Variants in DLC1 observed in about 807,000 individuals in gnomAD.
The protein encoded by DLC1 is DLC1 Rho GTPase activating protein.
A neutral mutation model predicts 140.3 loss-of-function variants in DLC1; 54 were observed. That is an observed-to-expected ratio of 0.38 (90% confidence interval 0.31 to 0.48). The LOEUF is 0.48. Among genes scored for constraint, DLC1 ranks in the 20% least tolerant of loss-of-function variants. The probability of loss-of-function intolerance (pLI) is 0.96; values close to 1 mark genes in which losing one functional copy is unlikely to be tolerated. For synonymous variants in DLC1, 986 were observed against 728.1 expected, an observed-to-expected ratio of 1.35 and a Z score of -5.70; for missense variants, 2,536 against 1,907.0, an observed-to-expected ratio of 1.33 and a Z score of -6.14.
rs538138000 is a variant in DLC1, at chr8:13,305,017, T to C, written c.1348+252A>G. On this transcript the variant is annotated intron_variant, in intron 5 of 17. Coordinates refer to ENST00000276297, the MANE Select transcript of DLC1 (RefSeq NM_182643.3). The stretch of plus-strand genomic sequence containing the variant: ...AATTCTTTTGCTTAAGAAAAAAAAA[T>C]TGTGGTTGCAGTTACAAGGAAGACC... The C allele has an allele frequency of 1.1e-5, 12 of 1,111,580 alleles. No individual in the cohort carries two copies. In the Admixed American group the frequency reaches 3.9e-4, roughly 36 times the overall value. The allele number at this position is 1,111,580 out of a possible 1,614,324, so 68.9% of individuals were successfully genotyped here.
At chr8:13,434,382 T>C (rs1030020526) in intron 2 of DLC1, among the ~76,000 whole-genome samples, 1 of 152,202 alleles carries the variant, frequency 6.6e-6, no homozygotes, top group South Asian at 2.1e-4. Flanking sequence ...AAACCAGTAA[T>C]TTGAGTTTCT....
chr8:13,161,529 C>T (rs1251028855), intron 5 of DLC1, among the ~76,000 whole-genome samples: 2 of 152,102 alleles, frequency 1.3e-5, no homozygotes, highest in Non-Finnish European at 2.9e-5. Context: ...TTGGTTGAGA[C>T]AGGTCTTGCT....
chr8:13,453,422 A>T (rs865944909), intron 2 of DLC1, among the ~76,000 whole-genome samples: 14 of 32,548 alleles, frequency 4.3e-4, no homozygotes, highest in South Asian at 2.2e-3. Flanking sequence ...ATATATATAT[A>T]TGTGTATATA....
intron 5 of DLC1, among the ~76,000 whole-genome samples, chr8:13,231,459 A>G (rs1454665519): frequency 6.6e-6 from 1 of 152,180 alleles, no homozygotes. Flanking sequence ...CTATTCCTGT[A>G]TATTTTACAT....
At chr8:13,392,547 G>A (rs1223829544) in intron 4 of DLC1, among the ~76,000 whole-genome samples, 1 of 152,088 alleles carries the variant, frequency 6.6e-6, no homozygotes, top group African/African-American at 2.4e-5. Context: ...TTTAAATGCA[G>A]TGAACAAGCA....
intron 5 of DLC1, among the ~76,000 whole-genome samples, chr8:13,132,409 G>A (rs745648678): frequency 6.6e-6 from 1 of 151,914 alleles, no homozygotes; most frequent in Non-Finnish European, 1.5e-5. Flanking sequence ...ACAAGTTTTT[G>A]GTGAACTTTC....
chr8:13,401,378 C>T, intron 3 of DLC1, 92 bp downstream of exon 3: 2 of 1,485,596 alleles, frequency 1.3e-6, no homozygotes, highest in Admixed American at 2.2e-5. Flanking sequence ...TGTTAGATGC[C>T]ATTAACAAGG....
intron 2 of DLC1, among the ~76,000 whole-genome samples, chr8:13,473,704 C>T (rs1460181071): frequency 6.6e-6 from 1 of 152,070 alleles, no homozygotes; most frequent in East Asian, 1.9e-4. Context: ...AAATGAGGAA[C>T]TTGTTGGGAA....
chr8:13,591,261 C>A (rs183828385), intron 1 of DLC1, among the ~76,000 whole-genome samples: 2 of 151,954 alleles, frequency 1.3e-5, no homozygotes, highest in South Asian at 4.1e-4. Context: ...GTGTCCTCAC[C>A]CAAACCTCAT....
At chr8:13,479,924 TGTGTGGTGGC>T (rs1473910968) in intron 2 of DLC1, among the ~76,000 whole-genome samples, 48 of 79,532 alleles carry the variant, frequency 6.0e-4, no homozygotes, top group African/African-American at 1.7e-3. Context: ...CATATCAGCC[TGTGTGGTGGC>T]GTGTGTCTGT....
At chr8:13,350,889 C>G (rs889402008) in intron 4 of DLC1, among the ~76,000 whole-genome samples, 3 of 152,168 alleles carry the variant, frequency 2.0e-5, no homozygotes, top group South Asian at 2.1e-4. Context: ...AATACTCATT[C>G]TTTTGAGATC....
intron 5 of DLC1, among the ~76,000 whole-genome samples, chr8:13,289,200 A>T (rs1024409675): frequency 7.9e-5 from 12 of 151,678 alleles, no homozygotes; most frequent in Admixed American, 5.3e-4. Context: ...AATTCCTTTT[A>T]TTATTATTAT....
chr8:13,224,942 T>C (rs1275489737), intron 5 of DLC1, among the ~76,000 whole-genome samples: 2 of 152,254 alleles, frequency 1.3e-5, no homozygotes, highest in Non-Finnish European at 2.9e-5. Flanking sequence ...TAGGCAATTA[T>C]GGAAGATGAG....
intron 5 of DLC1, among the ~76,000 whole-genome samples, chr8:13,145,236 C>A (rs1177514138): frequency 6.6e-6 from 1 of 151,490 alleles, no homozygotes; most frequent in Non-Finnish European, 1.5e-5. Flanking sequence ...AGAAGAAAGT[C>A]TAAAAACTAA....
chr8:13,187,607 A>C (rs1397195719), intron 5 of DLC1, among the ~76,000 whole-genome samples: 2 of 152,236 alleles, frequency 1.3e-5, no homozygotes, highest in African/African-American at 2.4e-5. Context: ...TAGCCAATAA[A>C]GAAACAGATA....
chr8:13,284,154 G>C (rs924830127), intron 5 of DLC1, among the ~76,000 whole-genome samples: 4 of 152,186 alleles, frequency 2.6e-5, no homozygotes, highest in Non-Finnish European at 5.9e-5. Flanking sequence ...CCCCAGAAGA[G>C]TCAAATCTCA....
At chr8:13,277,600 T>C (rs545141596) in intron 5 of DLC1, among the ~76,000 whole-genome samples, 10 of 152,336 alleles carry the variant, frequency 6.6e-5, no homozygotes, top group Admixed American at 6.5e-4. Flanking sequence ...TTTTACAAGA[T>C]ATGCGCCTTA....
intron 4 of DLC1, among the ~76,000 whole-genome samples, chr8:13,355,853 G>A (rs778252429): frequency 4.6e-5 from 7 of 151,808 alleles, no homozygotes; most frequent in Non-Finnish European, 1.0e-4. Flanking sequence ...GGGAGGCTAA[G>A]GTGGGCAGAT....
intron 1 of DLC1, among the ~76,000 whole-genome samples, chr8:13,561,315 C>T (rs1804235317): frequency 1.3e-5 from 2 of 151,980 alleles, no homozygotes; most frequent in Admixed American, 1.3e-4. Context: ...ACACCTGGTG[C>T]AACTGCAGCC....
Sources: gnomAD v4.1 joint callset for allele counts (sites outside exome capture counted in the v4.1 genomes callset) on GRCh38, gnomAD v4.1.1 for gene constraint, MANE v1.5 for transcripts, NCBI Gene and HGNC (gene_info 2026-07-23, HGNC 2026-07-21) for gene names.